SNX29: variants seen among roughly 807,000 people sequenced by gnomAD.
SNX29 encodes sorting nexin 29.
Under a neutral mutation model 102.1 loss-of-function variants are expected in SNX29, and 78 were observed. The observed-to-expected ratio is 0.76, with a 90% confidence interval of 0.64 to 0.92. SNX29 has a LOEUF of 0.92. Among genes scored for constraint, SNX29 ranks in the 40% least tolerant of loss-of-function variants. SNX29 has a pLI of 0.00. For missense variants in SNX29, 1,280 were observed against 1,061.7 expected, an observed-to-expected ratio of 1.21 and a Z score of -2.86; for synonymous variants, 580 against 414.5, an observed-to-expected ratio of 1.40 and a Z score of -4.85.
chr16:12,401,358 A>AGT, intron 17 of SNX29, among the ~76,000 whole-genome samples: 1 of 131,048 alleles, frequency 7.6e-6, no homozygotes, highest in South Asian at 2.4e-4. Flanking sequence ...AATAGAGTTA[A>AGT]ATTTTTTTTT....
intron 13 of SNX29, among the ~76,000 whole-genome samples, chr16:12,146,856 C>G (rs2055085112): frequency 6.6e-6 from 1 of 152,102 alleles, no homozygotes; most frequent in African/African-American, 2.4e-5. Flanking sequence ...CAGTGGAAAG[C>G]CATATAAATT....
intron 18 of SNX29, among the ~76,000 whole-genome samples, chr16:12,406,412 C>T (rs889072711): frequency 6.6e-6 from 1 of 152,216 alleles, no homozygotes. Flanking sequence ...TCCCCATCTA[C>T]ATTCCCGTGA....
intron 13 of SNX29, among the ~76,000 whole-genome samples, chr16:12,133,722 T>C (rs1022276681): frequency 3.9e-5 from 6 of 152,226 alleles, no homozygotes; most frequent in Admixed American, 1.3e-4. Context: ...ACTATCATTA[T>C]CGTTTTTCTT....
At chr16:12,458,413 G>A (rs887500879) in intron 18 of SNX29, among the ~76,000 whole-genome samples, 2 of 152,292 alleles carry the variant, frequency 1.3e-5, no homozygotes, top group African/African-American at 4.8e-5. Flanking sequence ...CATCAAACGC[G>A]AGCCCTATGC....
At chr16:12,555,027 C>T (rs2078240399) in intron 20 of SNX29, among the ~76,000 whole-genome samples, 1 of 151,792 alleles carries the variant, frequency 6.6e-6, no homozygotes, top group Non-Finnish European at 1.5e-5. Flanking sequence ...AGTGTGCCTG[C>T]CTGGTGCCAC....
intron 11 of SNX29, among the ~76,000 whole-genome samples, chr16:12,121,224 A>G (rs1417456460): frequency 6.6e-6 from 1 of 152,194 alleles, no homozygotes; most frequent in Non-Finnish European, 1.5e-5. Context: ...CCCAGGGGAC[A>G]GTGTGCTTTC....
rs74488454 is a variant in SNX29, at chr16:12,347,653, G to A, written c.1783-8510G>A. Among the ~76,000 whole-genome samples the A allele has an allele frequency of 6.8e-3, 1,033 of 152,274 alleles. 12 individuals are homozygous for A. The highest frequency in any genetic ancestry group is 0.023 in the African/African-American group (974 of 41,530). ...TTAGAGTGCTATCAGACCCATAGCA[G>A]GTGCTCATTCTGTTACATCCTGTCC... On this transcript the variant is annotated intron_variant, in intron 15 of 20. Transcript: ENST00000566228.
At chr16:12,406,330 TTAAAAGAAGCTG>T (rs1338218288) in intron 18 of SNX29, among the ~76,000 whole-genome samples, 1 of 152,214 alleles carries the variant, frequency 6.6e-6, no homozygotes, top group Non-Finnish European at 1.5e-5. Flanking sequence ...TGTTAATTCT[TTAAAAGAAGCTG>T]TAAAAGAAAT....
intron 13 of SNX29, among the ~76,000 whole-genome samples, chr16:12,177,774 A>G (rs2076293108): frequency 6.6e-6 from 1 of 152,162 alleles, no homozygotes; most frequent in African/African-American, 2.4e-5. Flanking sequence ...TAACAGTGTT[A>G]ACTTCAATCA....
At position 12,568,799 on chromosome 16, in the gene SNX29, A is replaced by C. The variant is rs201410985; in HGVS notation, c.*170A>C. 6.7e-5 allele frequency: 72 copies of C among 1,078,316 alleles called. No individual in the cohort carries two copies. The East Asian group carries it at 1.7e-3, about 25-fold the overall frequency. The allele number at this position is 1,078,316 out of a possible 1,614,324, so 66.8% of individuals were successfully genotyped here. On this transcript the variant is annotated 3_prime_UTR_variant, in exon 21 of 21. Coordinates refer to ENST00000566228, the MANE Select transcript of SNX29 (RefSeq NM_032167.5). ...CCCCGATTAAACTAATCAGTCTTCGAGCCGCATGATACCGTGACCCGAGAG... is the reference window on the plus strand; with the variant it reads ...CCCCGATTAAACTAATCAGTCTTCGCGCCGCATGATACCGTGACCCGAGAG...
Position 12,233,601 on chromosome 16 carries a change from A to C in SNX29, c.1678+33918A>C, listed in dbSNP as rs138773309. Among the ~76,000 whole-genome samples, 9 of 152,360 alleles carry C rather than the reference A, an allele frequency of 5.9e-5. No homozygotes were observed. In the East Asian group the frequency reaches 1.7e-3, roughly 29 times the overall value. On this transcript the variant is annotated intron_variant, in intron 14 of 20. Coordinates refer to ENST00000566228, the MANE Select transcript of SNX29 (RefSeq NM_032167.5). ...CGAATCTGAAATGAAAGGTGAAAAAAACCACACAAACAACTTTATTGAGAT... is the reference window on the plus strand; with the variant it reads ...CGAATCTGAAATGAAAGGTGAAAAACACCACACAAACAACTTTATTGAGAT...
intron 18 of SNX29, among the ~76,000 whole-genome samples, chr16:12,424,136 T>C (rs1285860778): frequency 6.6e-6 from 1 of 152,212 alleles, no homozygotes; most frequent in Non-Finnish European, 1.5e-5. Flanking sequence ...CTTTGTACTT[T>C]TCAGATTTCA....
intron 19 of SNX29, among the ~76,000 whole-genome samples, chr16:12,520,130 C>T (rs1049885522): frequency 2.6e-5 from 4 of 152,180 alleles, no homozygotes; most frequent in South Asian, 2.1e-4. Context: ...AGTCCTGTGC[C>T]GCGATTCAGG....
rs150048588 is a variant in SNX29, at chr16:12,538,511, G to A, written c.2318+13670G>A. Among the ~76,000 whole-genome samples the A allele has an allele frequency of 9.2e-5, 14 of 152,320 alleles. No homozygotes were observed. In the East Asian group the frequency reaches 1.2e-3, roughly 13 times the overall value. ...TACATCTATGATACTTTGTTGGTAT[G>A]TGATAACATATTGCTTATGCGTGAG... On this transcript the variant is annotated intron_variant, in intron 20 of 20. Coordinates refer to ENST00000566228, the MANE Select transcript of SNX29 (RefSeq NM_032167.5).
chr16:12,292,381 C>T (rs1005185800), intron 15 of SNX29, among the ~76,000 whole-genome samples: 2 of 152,140 alleles, frequency 1.3e-5, no homozygotes, highest in Non-Finnish European at 2.9e-5. Flanking sequence ...TTGGAAAGTT[C>T]TCCCTTTTCC....
chr16:12,559,458 G>A (rs1050210627), intron 20 of SNX29, among the ~76,000 whole-genome samples: 1 of 151,510 alleles, frequency 6.6e-6, no homozygotes, highest in African/African-American at 2.4e-5. Flanking sequence ...TCTACATTAT[G>A]GTGAGTTGTG....
intron 14 of SNX29, among the ~76,000 whole-genome samples, chr16:12,251,133 A>C (rs2078408720): frequency 1.3e-5 from 2 of 152,160 alleles, no homozygotes; most frequent in African/African-American, 4.8e-5. Context: ...TGGGGTCTTG[A>C]CTGTGCCATT....
chr16:12,183,953 G>C (rs561015702), intron 13 of SNX29, among the ~76,000 whole-genome samples: 2 of 152,190 alleles, frequency 1.3e-5, no homozygotes, highest in Non-Finnish European at 1.5e-5. Context: ...GGTCTAAAAG[G>C]GGGGTATGCA....
At chr16:12,524,946 C>A in intron 20 of SNX29, 105 bp downstream of exon 20, 1 of 1,484,794 alleles carries the variant, frequency 6.7e-7, no homozygotes, top group South Asian at 1.3e-5. Context: ...ATGCCCTGAT[C>A]GCCATGGGAC....
Sources: allele counts gnomAD v4.1 joint callset (sites outside exome capture counted in the v4.1 genomes callset), GRCh38; gene constraint gnomAD v4.1.1; transcripts MANE v1.5; gene names NCBI Gene and HGNC (gene_info 2026-07-23, HGNC 2026-07-21).